TAS2R1: variants seen among roughly 807,000 people sequenced by gnomAD.
The protein encoded by TAS2R1 is taste 2 receptor member 1, also known as taste receptor type 2 member 1.
For synonymous variants in TAS2R1, 141 were observed against 134.2 expected (o/e 1.05, Z -0.35); for missense variants, 370 against 353.4 (o/e 1.05, Z -0.38).
At chr5:9,721,535 G>T in the TAS2R1 span, among the ~76,000 whole-genome samples, 1 of 152,194 alleles carries the variant, frequency 6.6e-6, no homozygotes, top group Non-Finnish European at 1.5e-5. Context: ...CCTTTTAAAG[G>T]TGTTATCATC....
At chr5:9,881,922 C>A in the TAS2R1 span, among the ~76,000 whole-genome samples, 16 of 152,136 alleles carry the variant, frequency 1.1e-4, no homozygotes, top group African/African-American at 3.9e-4. Context: ...AAAATCTGGG[C>A]AATACCATTC....
chr5:9,693,697 C>T (rs182193205), intron 1 of TAS2R1, among the ~76,000 whole-genome samples: 226 of 151,748 alleles, frequency 1.5e-3, no homozygotes, highest in Non-Finnish European at 2.4e-3. Flanking sequence ...ATCTGTATCC[C>T]TTGTCCAGTA....
At chr5:9,652,612 A>G (rs936399605) in intron 2 of TAS2R1, among the ~76,000 whole-genome samples, 2 of 152,188 alleles carry the variant, frequency 1.3e-5, no homozygotes, top group Admixed American at 6.6e-5. Flanking sequence ...AATAAGAGAG[A>G]AAAGTAAGCT....
chr5:9,717,395 T>C, the TAS2R1 span, among the ~76,000 whole-genome samples: 1 of 152,096 alleles, frequency 6.6e-6, no homozygotes, highest in South Asian at 2.1e-4. Context: ...CCCCTTGCTC[T>C]TGATTTGGAG....
chr5:9,843,451 C>T, the TAS2R1 span, among the ~76,000 whole-genome samples: 1 of 152,188 alleles, frequency 6.6e-6, no homozygotes, highest in South Asian at 2.1e-4. Flanking sequence ...TATCTTGCAA[C>T]TAATCTATCT....
the TAS2R1 span, among the ~76,000 whole-genome samples, chr5:9,740,296 A>G: frequency 6.6e-6 from 1 of 152,234 alleles, no homozygotes; most frequent in Non-Finnish European, 1.5e-5. Context: ...GCTGAAAAAA[A>G]GTGAGACCTT....
intron 1 of TAS2R1, among the ~76,000 whole-genome samples, chr5:9,666,494 C>T (rs1245101849): frequency 2.0e-5 from 3 of 152,104 alleles, no homozygotes; most frequent in Non-Finnish European, 4.4e-5. Flanking sequence ...AAAGAGCATC[C>T]AGGAATTTAT....
the TAS2R1 span, among the ~76,000 whole-genome samples, chr5:9,740,374 T>C: frequency 6.6e-6 from 1 of 152,192 alleles, no homozygotes; most frequent in Non-Finnish European, 1.5e-5. Flanking sequence ...GCAGTCTGGC[T>C]TTTCTTATTC....
upstream of TAS2R1, chr5:9,714,351 C>G (rs1734763325): frequency 6.6e-6 from 1 of 152,200 alleles, no homozygotes; most frequent in Non-Finnish European, 1.5e-5. Flanking sequence ...GTAATCAGTA[C>G]TTTTGGGAGA....
At chr5:9,903,220 C>T in the TAS2R1 span, among the ~76,000 whole-genome samples, 1 of 152,032 alleles carries the variant, frequency 6.6e-6, no homozygotes, top group African/African-American at 2.4e-5. Flanking sequence ...ATCCCCACCT[C>T]TATAAGTAAG....
At chr5:9,857,103 T>C in the TAS2R1 span, among the ~76,000 whole-genome samples, 4 of 152,162 alleles carry the variant, frequency 2.6e-5, no homozygotes, top group South Asian at 4.1e-4. Flanking sequence ...GTAGATTCTA[T>C]GGAAGCATAG....
upstream of TAS2R1, among the ~76,000 whole-genome samples, chr5:9,717,214 G>A (rs1050840495): frequency 1.3e-5 from 2 of 152,180 alleles, no homozygotes; most frequent in African/African-American, 4.8e-5. Flanking sequence ...CTGGAGAGTG[G>A]GTGGGGCCAG....
At chr5:9,768,110 G>A in the TAS2R1 span, among the ~76,000 whole-genome samples, 1 of 151,864 alleles carries the variant, frequency 6.6e-6, no homozygotes, top group Admixed American at 6.6e-5. Flanking sequence ...CATCCAGCAC[G>A]CCATCTGTCC....
At chr5:9,863,264 A>ATTTTT in the TAS2R1 span, among the ~76,000 whole-genome samples, 5 of 126,540 alleles carry the variant, frequency 4.0e-5, no homozygotes, top group Admixed American at 8.1e-5. Context: ...AGACCCAAAG[A>ATTTTT]TTTTTTTTTT....
the TAS2R1 span, among the ~76,000 whole-genome samples, chr5:9,772,961 C>T: frequency 2.6e-5 from 4 of 151,932 alleles, no homozygotes; most frequent in Admixed American, 6.6e-5. Flanking sequence ...CCACTCTTTG[C>T]GTTTTGATTA....
At chr5:9,666,719 A>C (rs1740639329) in intron 1 of TAS2R1, among the ~76,000 whole-genome samples, 1 of 152,192 alleles carries the variant, frequency 6.6e-6, no homozygotes, top group South Asian at 2.1e-4. Flanking sequence ...AAGAAAACAG[A>C]AAGCAAGAAA....
At chr5:9,773,252 C>T in the TAS2R1 span, among the ~76,000 whole-genome samples, 1 of 152,014 alleles carries the variant, frequency 6.6e-6, no homozygotes, top group South Asian at 2.1e-4. Flanking sequence ...AAGCTAATAA[C>T]AACACTGCAT....
At chr5:9,677,492 G>C (rs1740899387) in intron 1 of TAS2R1, among the ~76,000 whole-genome samples, 1 of 151,798 alleles carries the variant, frequency 6.6e-6, no homozygotes, top group Non-Finnish European at 1.5e-5. Flanking sequence ...AAAAGCATCT[G>C]TATTTCAAAT....
chr5:9,689,214 A>T (rs1020763593), intron 1 of TAS2R1, among the ~76,000 whole-genome samples: 4 of 152,010 alleles, frequency 2.6e-5, no homozygotes, highest in African/African-American at 9.7e-5. Flanking sequence ...TCTACCTATC[A>T]TTTATCCACC....
Sources: allele counts gnomAD v4.1 joint callset (sites outside exome capture counted in the v4.1 genomes callset), GRCh38; gene constraint gnomAD v4.1.1; transcripts MANE v1.5; gene names NCBI Gene and HGNC (gene_info 2026-07-23, HGNC 2026-07-21).